The following NCAPD3 variants were observed in gnomAD, a reference collection of about 807,000 sequenced individuals.
NCAPD3 encodes the protein condensin-2 complex subunit D3.
In NCAPD3, 105 loss-of-function variants were observed where a neutral mutation model predicts 182.9. That is an observed-to-expected ratio of 0.57 (90% CI 0.49 to 0.68). The LOEUF is 0.68. Ranked by LOEUF, NCAPD3 falls within the 30% of genes least tolerant of loss-of-function variation. The pLI is 0.00. For missense variants in NCAPD3, 1,944 were observed against 1,837.0 expected, an observed-to-expected ratio of 1.06 and a Z score of -1.07; for synonymous variants, 815 against 679.9, an observed-to-expected ratio of 1.20 and a Z score of -3.09.
chr11:134,205,215 T>A (rs1191631316), intron 8 of NCAPD3, among the ~76,000 whole-genome samples: 1 of 152,182 alleles, frequency 6.6e-6, no homozygotes, highest in Non-Finnish European at 1.5e-5. Context: ...AAAAATGTAA[T>A]CTTCATACAA....
chr11:134,195,100 G>A (rs1334383265), intron 13 of NCAPD3, among the ~76,000 whole-genome samples: 1 of 152,032 alleles, frequency 6.6e-6, no homozygotes, highest in Non-Finnish European at 1.5e-5. Context: ...TGTTTGACTT[G>A]AAGACATTTT....
intron 16 of NCAPD3, among the ~76,000 whole-genome samples, chr11:134,187,266 A>G (rs983421561): frequency 6.6e-6 from 1 of 152,216 alleles, no homozygotes; most frequent in Non-Finnish European, 1.5e-5. Flanking sequence ...CACCAGTTGG[A>G]TCTCTTTTCA....
At chr11:134,169,474 C>G (rs185550902) in intron 24 of NCAPD3, among the ~76,000 whole-genome samples, 1 of 152,174 alleles carries the variant, frequency 6.6e-6, no homozygotes, top group Non-Finnish European at 1.5e-5. Flanking sequence ...AAGTTTGTTG[C>G]CCACAATTAT....
Position 134,152,984 on chromosome 11 carries a change from C to T in NCAPD3, c.4457G>A (p.Arg1486Lys). The T allele has an allele frequency of 6.3e-7, 1 of 1,578,802 alleles. No individual in the cohort carries two copies. The highest frequency in any genetic ancestry group is 8.6e-7 in the Non-Finnish European group (1 of 1,161,248). The change falls in exon 35 of 35, where the codon AGG becomes AAG. Residue 1486 changes from arginine (R) to lysine (K), a missense_variant. Physicochemically the swap from Arg to Lys is conservative, Grantham distance 26 (BLOSUM62 2). This residue lies in a region of NCAPD3 where 1,803 missense variants were observed against 1,674.6 expected (regional missense o/e 1.08). Coordinates refer to ENST00000534548, the MANE Select transcript of NCAPD3 (RefSeq NM_015261.3). ...CAGAGGGGTCTTTCGGAGGGACCTC[C>T]TGCTGCAGGCTGGAGTGTCTTTATT... ...ARNKDTPACS[R>K]RSLRKTPLKT...
chr11:134,185,470 G>A lies in NCAPD3; in HGVS notation c.2102C>T (p.Thr701Ile), dbSNP rs762967450. The A allele has an allele frequency of 2.5e-6, 4 of 1,612,870 alleles. No individual in the cohort carries two copies. Among genetic ancestry groups the A allele is most frequent in the Non-Finnish European group, 3.4e-6 (4 of 1,179,476 alleles). The change falls in exon 17 of 35, where the codon ACT becomes ATT. Residue 701 changes from threonine to isoleucine, a missense_variant. Around this residue, in one of 3 missense-constraint regions of NCAPD3, gnomAD observed 1,803 missense variants for 1,674.6 expected, o/e 1.08. Transcript: ENST00000534548. ...GTGAGATATTACATTGTTTATAAAAGTGGGTGAGAATTTTTCTTTCTTGGA... is the reference window on the plus strand; with the variant it reads ...GTGAGATATTACATTGTTTATAAAAATGGGTGAGAATTTTTCTTTCTTGGA... ...IWSKKEKFSP[T>I]FINNVISHTG...
chr11:134,223,000 T>C (rs1421714106), intron 1 of NCAPD3: 2 of 177,408 alleles, frequency 1.1e-5, no homozygotes, highest in African/African-American at 4.7e-5. Flanking sequence ...CGGTAATACA[T>C]GGATGCTATG....
intron 27 of NCAPD3, among the ~76,000 whole-genome samples, chr11:134,166,844 G>C (rs1252056869): frequency 8.1e-6 from 1 of 123,682 alleles, no homozygotes; most frequent in African/African-American, 3.2e-5. Flanking sequence ...GCTTGGGGGA[G>C]GCGCACACTC....
chr11:134,221,179 T>C (rs1420528156), intron 1 of NCAPD3, among the ~76,000 whole-genome samples: 2 of 152,136 alleles, frequency 1.3e-5, no homozygotes, highest in African/African-American at 4.8e-5. Flanking sequence ...AAAAAACATA[T>C]ATAATTTCTC....
In NCAPD3 at chr11:134,153,515, G is replaced by A. The variant is rs1943324301; in HGVS notation, c.4253-152C>T. ...CTGGACCCTGTCCCAGGGCCTGGCA[G>A]TGTTGAGGGCCCCTCCTGGGGATGC... On this transcript the variant is annotated intron_variant, in intron 32 of 34. Transcript: ENST00000534548. 13 of 756,004 alleles carry A rather than the reference G, an allele frequency of 1.7e-5. No individual in the cohort carries two copies. The South Asian group carries it at 1.8e-4, about 11-fold the overall frequency. 46.8% of individuals were successfully genotyped at this position (756,004 alleles called of 1,614,324 possible).
intron 27 of NCAPD3, among the ~76,000 whole-genome samples, chr11:134,165,345 C>T (rs149250695): frequency 1.3e-5 from 2 of 149,824 alleles, no homozygotes; most frequent in Admixed American, 6.7e-5. Context: ...GAGGGGCACA[C>T]TCATGAGCTT....
At chr11:134,182,160 G>GT (rs1315908396) in intron 19 of NCAPD3, among the ~76,000 whole-genome samples, 1 of 152,188 alleles carries the variant, frequency 6.6e-6, no homozygotes, top group Admixed American at 6.5e-5. Flanking sequence ...ACTAGGACTA[G>GT]TAAGTTTCGG....
At chr11:134,176,047 G>A (rs551445041) in intron 24 of NCAPD3, among the ~76,000 whole-genome samples, 1 of 152,046 alleles carries the variant, frequency 6.6e-6, no homozygotes, top group Admixed American at 6.5e-5. Flanking sequence ...GCTCCTTCAG[G>A]AACAGCAAAC....
rs375813933 is a variant in NCAPD3 at position 134,204,861 on chromosome 11, T to C, written c.1089+38A>G. 12 of 1,501,552 alleles carry C rather than the reference T, an allele frequency of 8.0e-6. No individual in the cohort carries two copies. In the African/African-American group the frequency reaches 1.5e-4, roughly 19 times the overall value. 93.0% of individuals were successfully genotyped at this position (1,501,552 alleles called of 1,614,324 possible). A position where few individuals can be genotyped will look rare whatever the true frequency, so the allele number is the denominator to read the frequency against. On this transcript the variant is annotated intron_variant, in intron 9 of 34. Coordinates refer to ENST00000534548, the MANE Select transcript of NCAPD3 (RefSeq NM_015261.3). This position sits in a 1 kb window ranked among gnomAD's most constrained non-coding sequence, Gnocchi z 4.3. ...CACACATTTATCTTCACACACGATA[T>C]ACTTCCATGTTATTAATATTACTAA...
intron 16 of NCAPD3, among the ~76,000 whole-genome samples, chr11:134,187,171 T>C (rs906204341): frequency 2.0e-5 from 3 of 152,156 alleles, no homozygotes; most frequent in African/African-American, 7.2e-5. Context: ...TCTATCTTAG[T>C]ACCAAAACCA....
rs1315431238 is a variant in NCAPD3, at chr11:134,152,883, A to G, written c.*61T>C. On this transcript the variant is annotated 3_prime_UTR_variant, in exon 35 of 35. Coordinates refer to ENST00000534548, the MANE Select transcript of NCAPD3 (RefSeq NM_015261.3). ...AAGTGATCCAGCTGCCTTCACACGG[A>G]GGACACGAGACTGCTTCCTCAAGGG... is the stretch of plus-strand genomic sequence containing the variant. The G allele has an allele frequency of 7.6e-7, 1 of 1,318,678 alleles. No homozygotes were observed. The highest frequency in any genetic ancestry group is 1.0e-6 in the Non-Finnish European group (1 of 956,164). The allele number at this position is 1,318,678 out of a possible 1,614,324, so 81.7% of individuals were successfully genotyped here.
intron 32 of NCAPD3, 39 bp from the exon 33 acceptor site, chr11:134,153,402 G>A: frequency 3.1e-6 from 5 of 1,602,614 alleles, no homozygotes; most frequent in East Asian, 2.2e-5. Context: ...AAAGCCGCGT[G>A]GTCTATCGGA....
At chr11:134,219,034 C>G (rs1938129097) in intron 2 of NCAPD3, among the ~76,000 whole-genome samples, 1 of 152,204 alleles carries the variant, frequency 6.6e-6, no homozygotes, top group Non-Finnish European at 1.5e-5. Context: ...CAAACATGTT[C>G]AAACTCCACT....
intron 13 of NCAPD3, among the ~76,000 whole-genome samples, chr11:134,198,375 T>C (rs969657058): frequency 4.8e-5 from 4 of 84,064 alleles, no homozygotes; most frequent in African/African-American, 2.0e-4. Context: ...ACCTATAAGC[T>C]GGAACCCTCC....
intron 1 of NCAPD3, among the ~76,000 whole-genome samples, chr11:134,222,200 C>T (rs1485520259): frequency 6.6e-6 from 1 of 152,202 alleles, no homozygotes; most frequent in Non-Finnish European, 1.5e-5. Flanking sequence ...TCTCTCACTA[C>T]CTATTTTCTC....
Sources: allele counts gnomAD v4.1 joint callset (sites outside exome capture counted in the v4.1 genomes callset), GRCh38; gene constraint gnomAD v4.1.1; regional missense constraint gnomAD v4.1.1; non-coding constraint Gnocchi (gnomAD v3.1); transcripts MANE v1.5; gene names NCBI Gene and HGNC (gene_info 2026-07-23, HGNC 2026-07-21).